The following RORA variants were observed in gnomAD, a reference collection of about 807,000 sequenced individuals.
The protein encoded by RORA is RAR related orphan receptor A, also known as nuclear receptor ROR-alpha.
In RORA, 7 loss-of-function variants were observed where a neutral mutation model predicts 69.5. The observed-to-expected ratio is 0.10, with a 90% confidence interval of 0.06 to 0.19. RORA has a LOEUF of 0.19. Among genes scored for constraint, RORA ranks in the 10% least tolerant of loss-of-function variants. The probability of loss-of-function intolerance (pLI) is 1.00; values close to 1 mark genes in which losing one functional copy is unlikely to be tolerated. For synonymous variants in RORA, 261 were observed against 240.8 expected, an observed-to-expected ratio of 1.08 and a Z score of -0.78; for missense variants, 457 against 663.0, an observed-to-expected ratio of 0.69 and a Z score of 3.41.
chr15:61,174,425 T>A (rs2140896725), intron 1 of RORA, among the ~76,000 whole-genome samples: 1 of 152,274 alleles, frequency 6.6e-6, no homozygotes, highest in East Asian at 1.9e-4. Flanking sequence ...GCAGATTTAA[T>A]TTGTCACTGG....
At chr15:60,777,828 G>C (rs910144098) in intron 1 of RORA, among the ~76,000 whole-genome samples, 1 of 152,158 alleles carries the variant, frequency 6.6e-6, no homozygotes, top group Admixed American at 6.5e-5. Context: ...GGAGCGTATT[G>C]AACTGCTGAG....
intron 1 of RORA, among the ~76,000 whole-genome samples, chr15:61,139,490 G>C (rs1225009342): frequency 6.6e-6 from 1 of 152,220 alleles, no homozygotes; most frequent in African/African-American, 2.4e-5. Context: ...CATAAAAAAG[G>C]AGGGCGAGTC....
chr15:60,796,448 A>C (rs1309268664), intron 1 of RORA, among the ~76,000 whole-genome samples: 1 of 151,958 alleles, frequency 6.6e-6, no homozygotes, highest in African/African-American at 2.4e-5. Flanking sequence ...AAAACAAATT[A>C]CTCTGAAAGA....
chr15:60,535,995 T>C (rs1052090120), intron 2 of RORA, among the ~76,000 whole-genome samples: 4 of 152,214 alleles, frequency 2.6e-5, no homozygotes, highest in African/African-American at 9.7e-5. Context: ...CAGGAATTGA[T>C]GTCAACATCT....
chr15:60,756,019 G>A (rs1441884905), intron 1 of RORA, among the ~76,000 whole-genome samples: 3 of 152,154 alleles, frequency 2.0e-5, no homozygotes, highest in Admixed American at 6.6e-5. Context: ...TTGCCCTTGT[G>A]GGGCTTATCA....
At chr15:60,789,714 T>G (rs1273993630) in intron 1 of RORA, among the ~76,000 whole-genome samples, 1 of 152,122 alleles carries the variant, frequency 6.6e-6, no homozygotes, top group Non-Finnish European at 1.5e-5. Flanking sequence ...ACCATGAAAA[T>G]AAATTACTAG....
intron 1 of RORA, among the ~76,000 whole-genome samples, chr15:60,907,391 G>A (rs1222320703): frequency 2.6e-5 from 4 of 152,174 alleles, no homozygotes; most frequent in East Asian, 3.8e-4. Flanking sequence ...GAGGAGTCAG[G>A]AGTCAGGGGC....
intron 2 of RORA, among the ~76,000 whole-genome samples, chr15:60,670,564 T>A (rs1043723282): frequency 1.1e-4 from 17 of 152,052 alleles, no homozygotes; most frequent in African/African-American, 4.1e-4. Context: ...TTTAAGACAG[T>A]AGGAGCTGGA....
intron 1 of RORA, among the ~76,000 whole-genome samples, chr15:61,174,680 A>C (rs889369998): frequency 3.3e-5 from 5 of 152,154 alleles, no homozygotes; most frequent in African/African-American, 1.2e-4. Context: ...CCTGAGCCTG[A>C]CTACACCTTC....
At chr15:60,801,436 T>C (rs2072579897) in intron 1 of RORA, among the ~76,000 whole-genome samples, 1 of 152,232 alleles carries the variant, frequency 6.6e-6, no homozygotes. Flanking sequence ...TATTTCTGAA[T>C]GTGAATATGA....
At position 61,040,164 on chromosome 15, in the gene RORA, A is replaced by C. The variant is rs954762684; in HGVS notation, c.166+188889T>G. Among the ~76,000 whole-genome samples, 10 of 117,700 alleles carry C rather than the reference A, an allele frequency of 8.5e-5. No homozygotes were observed. In the South Asian group the frequency reaches 2.7e-3, roughly 32 times the overall value. The allele number at this position is 117,700 out of a possible 152,430, so 77.2% of individuals were successfully genotyped here. A position where few individuals can be genotyped will look rare whatever the true frequency, so the allele number is the denominator to read the frequency against. ...TATATATATATATATATATATATAT[A>C]AAATATATGAAATATACATTATAGT... On this transcript the variant is annotated intron_variant, in intron 1 of 10. Coordinates refer to ENST00000335670, the MANE Select transcript of RORA (RefSeq NM_134261.3).
chr15:60,554,497 A>T (rs763558196), intron 2 of RORA, among the ~76,000 whole-genome samples: 22 of 152,216 alleles, frequency 1.4e-4, no homozygotes, highest in Non-Finnish European at 2.5e-4. Flanking sequence ...ACCATTTAAA[A>T]ATAGCTAGAA....
At chr15:61,143,719 G>T (rs2079321058) in intron 1 of RORA, among the ~76,000 whole-genome samples, 1 of 152,120 alleles carries the variant, frequency 6.6e-6, no homozygotes, top group Non-Finnish European at 1.5e-5. Flanking sequence ...CCAGTTAGTA[G>T]GGAGAAAATA....
At chr15:60,594,574 G>A (rs2068626770) in intron 2 of RORA, among the ~76,000 whole-genome samples, 1 of 152,178 alleles carries the variant, frequency 6.6e-6, no homozygotes, top group Non-Finnish European at 1.5e-5. Flanking sequence ...AAATCTATTA[G>A]CTCTAGCGTG....
At chr15:60,561,080 T>TTTG (rs1555431320) in intron 2 of RORA, among the ~76,000 whole-genome samples, 10 of 131,648 alleles carry the variant, frequency 7.6e-5, no homozygotes, top group Admixed American at 2.9e-4. Flanking sequence ...TGTTTTGTTT[T>TTTG]TGTTTTTTTT....
intron 1 of RORA, among the ~76,000 whole-genome samples, chr15:61,046,518 T>C (rs543016154): frequency 6.6e-6 from 1 of 152,136 alleles, no homozygotes; most frequent in African/African-American, 2.4e-5. Context: ...AGCTTAGAGA[T>C]CCACCTGAGT....
intron 2 of RORA, among the ~76,000 whole-genome samples, chr15:60,557,345 G>A (rs896185071): frequency 2.6e-5 from 4 of 152,212 alleles, no homozygotes; most frequent in Admixed American, 1.3e-4. Context: ...CTGGCACTAC[G>A]AGAGGATGTA....
At chr15:60,603,883 C>T (rs1265470015) in intron 2 of RORA, among the ~76,000 whole-genome samples, 3 of 151,956 alleles carry the variant, frequency 2.0e-5, no homozygotes, top group Non-Finnish European at 4.4e-5. Flanking sequence ...GCCTGTAATC[C>T]CAGCACTTTG....
At chr15:60,715,199 C>T (rs1301256896) in intron 1 of RORA, among the ~76,000 whole-genome samples, 1 of 152,170 alleles carries the variant, frequency 6.6e-6, no homozygotes, top group Non-Finnish European at 1.5e-5. Context: ...CCCAATGTGT[C>T]ATCATTTCCA....
Sources: allele counts gnomAD v4.1 joint callset (sites outside exome capture counted in the v4.1 genomes callset), GRCh38; gene constraint gnomAD v4.1.1; transcripts MANE v1.5; gene names NCBI Gene and HGNC (gene_info 2026-07-23, HGNC 2026-07-21).